The following MTUS2 variants were observed in gnomAD, a reference collection of about 807,000 sequenced individuals.
The protein encoded by MTUS2 is microtubule-associated tumor suppressor candidate 2.
A neutral mutation model predicts 114.1 loss-of-function variants in MTUS2; 40 were observed. The ratio of observed to expected loss-of-function variants is 0.35; its 90% CI spans 0.27 to 0.46. The LOEUF (loss-of-function observed/expected upper bound fraction) is 0.46, where lower values mean the gene tolerates loss of function less well. Ranked by LOEUF, MTUS2 falls within the 20% of genes least tolerant of loss-of-function variation. The pLI is 1.00. For missense variants in MTUS2, 1,679 were observed against 1,705.4 expected (o/e 0.98, Z 0.27); for synonymous variants, 688 against 672.0 (o/e 1.02, Z -0.37).
At chr13:29,277,944 A>G (rs1043453245) in intron 5 of MTUS2, among the ~76,000 whole-genome samples, 9 of 152,250 alleles carry the variant, frequency 5.9e-5, no homozygotes, top group Non-Finnish European at 1.2e-4. Context: ...ATTCATGATC[A>G]CAAATTAAAC....
At chr13:29,133,927 T>C (rs1378560964) in intron 5 of MTUS2, among the ~76,000 whole-genome samples, 1 of 152,198 alleles carries the variant, frequency 6.6e-6, no homozygotes, top group Admixed American at 6.5e-5. Context: ...CCTGTATTAG[T>C]TTTGGGTTTA....
chr13:29,280,776 A>G (rs1898236359), intron 5 of MTUS2, among the ~76,000 whole-genome samples: 1 of 152,210 alleles, frequency 6.6e-6, no homozygotes, highest in African/African-American at 2.4e-5. Flanking sequence ...CTCTGAATTA[A>G]TAGATTAGCC....
intron 2 of MTUS2, among the ~76,000 whole-genome samples, chr13:28,991,845 G>T (rs1323073985): frequency 6.6e-6 from 1 of 152,142 alleles, no homozygotes; most frequent in Non-Finnish European, 1.5e-5. Context: ...CTGATCCTGT[G>T]TCTCAGGTCC....
intron 2 of MTUS2, among the ~76,000 whole-genome samples, chr13:28,899,061 A>C (rs1321538312): frequency 6.6e-6 from 1 of 152,138 alleles, no homozygotes; most frequent in African/African-American, 2.4e-5. Flanking sequence ...TTTCTTCTTC[A>C]GGCAATAAAT....
intron 1 of MTUS2, among the ~76,000 whole-genome samples, chr13:28,823,262 C>T (rs796865378): frequency 2.6e-5 from 4 of 152,190 alleles, no homozygotes; most frequent in African/African-American, 7.2e-5. Flanking sequence ...CGAAAATATC[C>T]TACAGGAAAC....
intron 2 of MTUS2, among the ~76,000 whole-genome samples, chr13:29,011,001 G>A (rs945731135): frequency 2.0e-5 from 3 of 152,108 alleles, no homozygotes; most frequent in Non-Finnish European, 4.4e-5. Context: ...TAGCATCATT[G>A]CTCCCCTTCC....
Position 29,025,125 on chromosome 13 carries a change from A to G in MTUS2, c.427A>G (p.Ser143Gly). The change falls in exon 3 of 16, where the codon AGT becomes GGT. Residue 143 changes from serine (S) to glycine (G), a missense_variant. This residue lies in a region of MTUS2 where 843 missense variants were observed against 770.8 expected (regional missense o/e 1.09). Coordinates refer to ENST00000612955, the MANE Select transcript of MTUS2 (RefSeq NM_001033602.4). ...SSWRNVMSEA[S>G]LDVLAKRDAE... ...TTGGAGGAATGTGATGAGTGAGGCC[A>G]GTCTAGACGTTTTGGCTAAAAGGGA... The G allele has an allele frequency of 6.2e-7, 1 of 1,613,952 alleles. No homozygotes were observed. The highest frequency in any genetic ancestry group is 1.1e-5 in the South Asian group (1 of 91,082).
At chr13:29,005,332 GC>G (rs1885558336) in intron 2 of MTUS2, among the ~76,000 whole-genome samples, 1 of 152,268 alleles carries the variant, frequency 6.6e-6, no homozygotes, top group African/African-American at 2.4e-5. Context: ...CTGGAGAGGG[GC>G]AAGAACTCAC....
At chr13:29,302,896 A>C (rs942181710) in intron 6 of MTUS2, among the ~76,000 whole-genome samples, 1 of 152,200 alleles carries the variant, frequency 6.6e-6, no homozygotes, top group African/African-American at 2.4e-5. Flanking sequence ...CTACAGGTAC[A>C]TGAAGGCTGG....
chr13:28,867,380 AAG>A (rs1364842591), intron 2 of MTUS2, among the ~76,000 whole-genome samples: 1 of 152,242 alleles, frequency 6.6e-6, no homozygotes, highest in Non-Finnish European at 1.5e-5. Context: ...TATGGAGAAG[AAG>A]GCATTGTATT....
At chr13:29,487,038 G>A (rs1881664263) in intron 10 of MTUS2, among the ~76,000 whole-genome samples, 1 of 152,188 alleles carries the variant, frequency 6.6e-6, no homozygotes, top group Non-Finnish European at 1.5e-5. Flanking sequence ...GAAGAATCCT[G>A]GACTGGACTG....
At chr13:29,346,072 A>C (rs1422675332) in intron 7 of MTUS2, among the ~76,000 whole-genome samples, 2 of 152,146 alleles carry the variant, frequency 1.3e-5, no homozygotes, top group Non-Finnish European at 2.9e-5. Context: ...AGGGGAGTGA[A>C]ATGGACTCAG....
At chr13:29,287,734 T>C (rs1051204156) in intron 6 of MTUS2, among the ~76,000 whole-genome samples, 1 of 152,204 alleles carries the variant, frequency 6.6e-6, no homozygotes, top group Non-Finnish European at 1.5e-5. Context: ...AATAATTGCT[T>C]TTCTTCCTAT....
At chr13:29,106,530 T>C (rs903482470) in intron 5 of MTUS2, among the ~76,000 whole-genome samples, 1 of 152,166 alleles carries the variant, frequency 6.6e-6, no homozygotes, top group African/African-American at 2.4e-5. Flanking sequence ...AGCTAGTTTT[T>C]GTATTTTTAG....
intron 5 of MTUS2, among the ~76,000 whole-genome samples, chr13:29,192,585 G>T (rs1336183745): frequency 2.0e-5 from 3 of 151,988 alleles, no homozygotes; most frequent in African/African-American, 7.2e-5. Flanking sequence ...TGTTTGAGAT[G>T]ATATATATGC....
chr13:28,827,620 GT>G (rs1874355951), intron 1 of MTUS2, among the ~76,000 whole-genome samples: 1 of 152,118 alleles, frequency 6.6e-6, no homozygotes, highest in South Asian at 2.1e-4. Context: ...AATATTTGAC[GT>G]GGGTCCTTTT....
chr13:29,252,198 G>A (rs922927863), intron 5 of MTUS2, among the ~76,000 whole-genome samples: 4 of 151,846 alleles, frequency 2.6e-5, no homozygotes, highest in Non-Finnish European at 5.9e-5. Flanking sequence ...TAATATAATC[G>A]TATCTTAATA....
intron 2 of MTUS2, among the ~76,000 whole-genome samples, chr13:28,943,869 G>A (rs931026409): frequency 6.6e-5 from 10 of 152,102 alleles, no homozygotes; most frequent in African/African-American, 2.4e-4. Flanking sequence ...ATGCTCAGGA[G>A]TGCTTTTATC....
intron 5 of MTUS2, among the ~76,000 whole-genome samples, chr13:29,198,435 G>T (rs1894793824): frequency 6.6e-6 from 1 of 152,124 alleles, no homozygotes; most frequent in Admixed American, 6.6e-5. Flanking sequence ...CTATATGTCT[G>T]TTTTGATACC....
Sources: allele counts gnomAD v4.1 joint callset (sites outside exome capture counted in the v4.1 genomes callset), GRCh38; gene constraint gnomAD v4.1.1; regional missense constraint gnomAD v4.1.1; transcripts MANE v1.5; gene names NCBI Gene and HGNC (gene_info 2026-07-23, HGNC 2026-07-21).